BACE1: variants seen among roughly 807,000 people sequenced by gnomAD.
The protein encoded by BACE1 is beta-secretase 1.
A neutral mutation model predicts 54.0 loss-of-function variants in BACE1; 21 were observed. The observed-to-expected ratio is 0.39, with a 90% CI of 0.28 to 0.56. The LOEUF is 0.56. BACE1 is among the 20% of genes least tolerant of loss of function. BACE1 has a pLI of 0.63. For missense variants in BACE1, 511 were observed against 661.2 expected, an observed-to-expected ratio of 0.77 and a Z score of 2.49; for synonymous variants, 232 against 260.9, an observed-to-expected ratio of 0.89 and a Z score of 1.07.
At position 117,295,128 on chromosome 11, in the gene BACE1, C is replaced by T; in HGVS notation, c.567+3G>A. On this transcript the variant is annotated splice_donor_region_variant and intron_variant, in intron 3 of 8. Transcript: ENST00000313005. ...GTGTAGGGCCAAGCCCTGTTCCTCT[C>T]ACCCTGGCAATCTCAGCATAGGCCA... 1 of 1,613,810 alleles carries T rather than the reference C, an allele frequency of 6.2e-7. No homozygotes were observed. The highest frequency in any genetic ancestry group is 8.5e-7 in the Non-Finnish European group (1 of 1,179,706).
At position 117,292,868 on chromosome 11, in the gene BACE1, C is replaced by T. The variant is rs1245778593; in HGVS notation, c.840+186G>A. Reference sequence around the variant, plus strand: ...ATGTTTTTTTTTTCACTACCAGTCCCTAGGCCCCAAACCGCAGATCCTGCT... The same window carrying T: ...ATGTTTTTTTTTTCACTACCAGTCCTTAGGCCCCAAACCGCAGATCCTGCT... On this transcript the variant is annotated intron_variant, in intron 5 of 8. Coordinates refer to ENST00000313005, the MANE Select transcript of BACE1 (RefSeq NM_012104.6). 6 of 630,416 alleles carry T rather than the reference C, an allele frequency of 9.5e-6. No individual in the cohort carries two copies. In the African/African-American group the frequency reaches 1.1e-4, roughly 12 times the overall value. 39.1% of individuals were successfully genotyped at this position (630,416 alleles called of 1,614,324 possible). A position where few individuals can be genotyped will look rare whatever the true frequency, so the allele number is the denominator to read the frequency against.
chr11:117,296,804 C>T, intron 2 of BACE1, 69 bp downstream of exon 2: 1 of 1,235,086 alleles, frequency 8.1e-7, no homozygotes, highest in Middle Eastern at 2.2e-4. Context: ...CTCTGTACCC[C>T]TCCCCTGACC....
chr11:117,305,596 T>TC (rs1189553976), intron 1 of BACE1, among the ~76,000 whole-genome samples: 1 of 151,480 alleles, frequency 6.6e-6, no homozygotes, highest in Non-Finnish European at 1.5e-5. Context: ...AGTATACCTT[T>TC]CCCCCTTTGG....
intron 1 of BACE1, among the ~76,000 whole-genome samples, chr11:117,312,832 A>G (rs1411167002): frequency 6.6e-6 from 1 of 152,214 alleles, no homozygotes; most frequent in East Asian, 1.9e-4. Flanking sequence ...TCTAGAGGTC[A>G]GGGATGGGGC....
rs1386015790 is a variant in BACE1, at chr11:117,289,640, A to G, written c.1432T>C (p.Cys478Arg). The G allele has an allele frequency of 6.2e-7, 1 of 1,614,204 alleles. No individual in the cohort carries two copies. Among genetic ancestry groups the G allele is most frequent in the Non-Finnish European group, 8.5e-7 (1 of 1,180,046 alleles). The change falls in exon 9 of 9, where the codon TGT (cysteine) becomes CGT (arginine). Residue 478 changes from cysteine (C) to arginine (R), a missense_variant. Physicochemically the swap from Cys to Arg is radical, Grantham distance 180. Around this residue, in one of 2 missense-constraint regions of BACE1, gnomAD observed 407 missense variants for 565.7 expected, o/e 0.72. Coordinates refer to ENST00000313005, the MANE Select transcript of BACE1 (RefSeq NM_012104.6). Reference protein sequence around the residue: ...LFMLPLCLMVCQWRCLRCLRQ... With the variant: ...LFMLPLCLMVRQWRCLRCLRQ... Reference sequence around the variant, plus strand: ...AGGCAGCGGAGGCAGCGCCACTGACACACCATGAGGCAGAGTGGCAGCATG... The same window carrying G: ...AGGCAGCGGAGGCAGCGCCACTGACGCACCATGAGGCAGAGTGGCAGCATG...
At chr11:117,290,819 A>C in intron 7 of BACE1, 81 bp downstream of exon 7, 2 of 1,567,760 alleles carry the variant, frequency 1.3e-6, no homozygotes, top group Non-Finnish European at 1.7e-6. Flanking sequence ...TTGTCTTCCA[A>C]GTTCTGGCAA....
intron 2 of BACE1, chr11:117,295,778 G>A: frequency 7.8e-7 from 1 of 1,281,822 alleles, no homozygotes; most frequent in East Asian, 2.6e-5. Context: ...TAGAGAAAGT[G>A]CCAGGCAGGG....
Position 117,316,140 on chromosome 11 carries a change from CGGCGCGGGCAGG to C in BACE1, c.-357_-346del. 1 of 397,144 alleles carries C rather than the reference CGGCGCGGGCAGG, an allele frequency of 2.5e-6. No homozygotes were observed. The highest frequency in any genetic ancestry group is 1.3e-4 in the South Asian group (1 of 7,870). 24.6% of individuals were successfully genotyped at this position (397,144 alleles called of 1,614,324 possible). On this transcript the variant is annotated 5_prime_UTR_variant, in exon 1 of 9. Transcript: ENST00000313005. ...CTTCCCTGGTCCCCCCGGCGGGCGG[CGGCGCGGGCAGG>C]GGCAAGGGCTCCGGGCTCCTGCGGC...
intron 1 of BACE1, among the ~76,000 whole-genome samples, chr11:117,307,756 C>T (rs1048609551): frequency 6.6e-6 from 1 of 152,104 alleles, no homozygotes; most frequent in Non-Finnish European, 1.5e-5. Flanking sequence ...CTCTTCTTTA[C>T]TGGTCTGGGG....
rs958413282 is a variant in BACE1, at chr11:117,304,353, A to G, written c.262-7392T>C. On this transcript the variant is annotated intron_variant, in intron 1 of 8. Transcript: ENST00000313005. ...GCAGCCACATGGGTGAGCCCAGGTA[A>G]GATCTGTAGAAAAATTACAAGCCAA... Among the ~76,000 whole-genome samples, 4 of 152,348 alleles carry G rather than the reference A, an allele frequency of 2.6e-5. No individual in the cohort carries two copies. The East Asian group carries it at 7.7e-4, about 29-fold the overall frequency.
chr11:117,311,383 C>G (rs1374295810), intron 1 of BACE1, among the ~76,000 whole-genome samples: 1 of 152,144 alleles, frequency 6.6e-6, no homozygotes, highest in Non-Finnish European at 1.5e-5. Flanking sequence ...CTCCTGCCAC[C>G]TTTCCTATTC....
rs1256107172 is a variant in BACE1, at chr11:117,289,902, T to G, written c.1265-95A>C. On this transcript the variant is annotated intron_variant, in intron 8 of 8. Coordinates refer to ENST00000313005, the MANE Select transcript of BACE1 (RefSeq NM_012104.6). ...ATAGTGAGGCCTTGAAATTAGCCCA[T>G]GCAGAAGTTATCTAATCTCCTTCCC... The G allele has an allele frequency of 8.9e-6, 10 of 1,121,510 alleles. No individual in the cohort carries two copies. The African/African-American group carries it at 1.5e-4, about 17-fold the overall frequency. The allele number at this position is 1,121,510 out of a possible 1,614,324, so 69.5% of individuals were successfully genotyped here.
chr11:117,307,323 T>C (rs2034851898), intron 1 of BACE1, among the ~76,000 whole-genome samples: 1 of 152,120 alleles, frequency 6.6e-6, no homozygotes, highest in South Asian at 2.1e-4. Context: ...TGGATTTTCT[T>C]TTTTTGAGAT....
intron 5 of BACE1, 111 bp downstream of exon 5, chr11:117,292,943 C>T: frequency 7.5e-7 from 1 of 1,326,664 alleles, no homozygotes. Flanking sequence ...CCAACCCTTT[C>T]TGCAGGTCCT....
intron 8 of BACE1, 96 bp downstream of exon 8, chr11:117,290,392 T>G: frequency 6.9e-7 from 1 of 1,448,600 alleles, no homozygotes; most frequent in Admixed American, 2.3e-5. Flanking sequence ...GTTACTACCC[T>G]CCCCTAAACT....
At chr11:117,291,591 T>C (rs2034438671) in intron 6 of BACE1, 121 bp downstream of exon 6, 9 of 706,678 alleles carry the variant, frequency 1.3e-5, no homozygotes, top group Non-Finnish European at 2.2e-5. Context: ...AAGAGTGTTT[T>C]AAGAGCTCTG....
chr11:117,307,910 A>G (rs2034866256), intron 1 of BACE1, among the ~76,000 whole-genome samples: 1 of 152,182 alleles, frequency 6.6e-6, no homozygotes, highest in African/African-American at 2.4e-5. Context: ...GCTTTGTCTA[A>G]TTTGGAGGGT....
At position 117,289,430 on chromosome 11, in the gene BACE1, G is replaced by A. The variant is rs2034349780; in HGVS notation, c.*136C>T. On this transcript the variant is annotated 3_prime_UTR_variant, in exon 9 of 9. Transcript: ENST00000313005. ...TGCCAGCCTTTTCCTTCTCCATCAA[G>A]GCAGAGGCATTTGGTGGGTGGGGAG... 7 of 1,412,568 alleles carry A rather than the reference G, an allele frequency of 5.0e-6. No homozygotes were observed. The highest frequency in any genetic ancestry group is 6.6e-6 in the Non-Finnish European group (7 of 1,064,282). The allele number at this position is 1,412,568 out of a possible 1,614,324, so 87.5% of individuals were successfully genotyped here.
rs553977184 is a variant in BACE1 at position 117,285,784 on chromosome 11, C to G, written c.*3782G>C. 8 of 152,366 alleles carry G rather than the reference C, an allele frequency of 5.3e-5. No individual in the cohort carries two copies. Among genetic ancestry groups the G allele is most frequent in the African/African-American group, 1.7e-4 (7 of 41,556 alleles). 9.4% of individuals were successfully genotyped at this position (152,366 alleles called of 1,614,324 possible). The stretch of plus-strand genomic sequence containing the variant: ...TACAGAATATTCTGTTTTACATCAC[C>G]AAAATTCACAGTCCGAGAATAACAA... On this transcript the variant is annotated 3_prime_UTR_variant, in exon 9 of 9. Transcript: ENST00000313005.
Sources: allele counts gnomAD v4.1 joint callset (sites outside exome capture counted in the v4.1 genomes callset), GRCh38; gene constraint gnomAD v4.1.1; regional missense constraint gnomAD v4.1.1; transcripts MANE v1.5; gene names NCBI Gene and HGNC (gene_info 2026-07-23, HGNC 2026-07-21).